The following SART1 variants were observed in gnomAD, a reference collection of about 807,000 sequenced individuals.
SART1 encodes spliceosome associated factor 1, recruiter of U4/U6.U5 tri-snRNP.
In SART1, 28 loss-of-function variants were observed where a neutral mutation model predicts 105.0. The ratio of observed to expected loss-of-function variants is 0.27; its 90% CI spans 0.20 to 0.37. The LOEUF is 0.37. Ranked by LOEUF, SART1 falls within the 10% of genes least tolerant of loss-of-function variation. The probability of loss-of-function intolerance (pLI) is 1.00; values close to 1 mark genes in which losing one functional copy is unlikely to be tolerated. For synonymous variants in SART1, 472 were observed against 462.9 expected, an observed-to-expected ratio of 1.02 and a Z score of -0.25; for missense variants, 894 against 1,106.5, an observed-to-expected ratio of 0.81 and a Z score of 2.72.
chr11:65,973,002 C>G (rs1483281338), intron 12 of SART1, among the ~76,000 whole-genome samples: 2 of 151,958 alleles, frequency 1.3e-5, no homozygotes, highest in East Asian at 3.9e-4. Context: ...AACCCTGTCT[C>G]TACTAAAAAA....
At chr11:65,964,007 TG>T in intron 1 of SART1, 66 bp from the exon 2 acceptor site, 1 of 1,455,010 alleles carries the variant, frequency 6.9e-7, no homozygotes, top group Non-Finnish European at 9.5e-7. Context: ...TTCCTGCAGC[TG>T]GAGCCAACGA....
intron 12 of SART1, among the ~76,000 whole-genome samples, chr11:65,970,456 A>C (rs1457922222): frequency 6.6e-6 from 1 of 152,168 alleles, no homozygotes; most frequent in African/African-American, 2.4e-5. Context: ...GAAGAAGAAA[A>C]AGATCTCGGC....
Position 65,978,387 on chromosome 11 carries a change from C to A in SART1, c.2173-213C>A. The A allele has an allele frequency of 3.4e-6, 2 of 587,148 alleles. No homozygotes were observed. The highest frequency in any genetic ancestry group is 2.0e-5 in the South Asian group (1 of 51,090). The allele number at this position is 587,148 out of a possible 1,614,324, so 36.4% of individuals were successfully genotyped here. A position where few individuals can be genotyped will look rare whatever the true frequency, so the allele number is the denominator to read the frequency against. ...GGTTCCCCATGCTCTGCCCCCATGG[C>A]AGCGCATCCACTAGCCAAGCTGGTC... On this transcript the variant is annotated intron_variant, in intron 17 of 19. Coordinates refer to ENST00000312397, the MANE Select transcript of SART1 (RefSeq NM_005146.5). The surrounding 1 kb of genome is among the most constrained non-coding windows in gnomAD (Gnocchi z 6.8).
chr11:65,976,679 C>T lies in SART1; in HGVS notation c.1770C>T (p.Arg590=), dbSNP rs201607938. 2.0e-4 allele frequency: 326 copies of T among 1,613,646 alleles called. No homozygotes were observed. Among genetic ancestry groups the T allele is most frequent in the Non-Finnish European group, 2.7e-4 (314 of 1,179,932 alleles). The change falls in exon 14 of 20, where the codon CGC becomes CGT. Residue 590 remains arginine, a synonymous_variant. Coordinates refer to ENST00000312397, the MANE Select transcript of SART1 (RefSeq NM_005146.5). This position sits in a 1 kb window ranked among gnomAD's most constrained non-coding sequence, Gnocchi z 5.1. ...ELMDFERDEE[R]SANGGSESDG... ...AGGACTTTGAACGGGATGAGGAGCG[C>T]TCAGCCAACGGTGGCTCCGAATCTG...
chr11:65,973,233 A>G lies in SART1; in HGVS notation c.1573-3162A>G, dbSNP rs377299485. Among the ~76,000 whole-genome samples, 176 of 152,300 alleles carry G rather than the reference A, an allele frequency of 1.2e-3. 1 individual carries two copies. Among genetic ancestry groups the G allele is most frequent in the Non-Finnish European group, 9.7e-4 (66 of 68,016 alleles). On this transcript the variant is annotated intron_variant, in intron 12 of 19. Coordinates refer to ENST00000312397, the MANE Select transcript of SART1 (RefSeq NM_005146.5). The stretch of plus-strand genomic sequence containing the variant: ...TTTTTGTTTTTTTACAAAACATACC[A>G]TGAAGAATATAAAAAGGCAGACCAA...
At position 65,979,271 on chromosome 11, in the gene SART1, C is replaced by CCT. The variant is rs1368066776; in HGVS notation, c.*244_*245dup. 1.7e-6 allele frequency: 1 copy of CCT among 604,490 alleles called. No homozygotes were observed. The highest frequency in any genetic ancestry group is 1.9e-5 in the African/African-American group (1 of 53,912). The allele number at this position is 604,490 out of a possible 1,614,324, so 37.4% of individuals were successfully genotyped here. ...CCTTCTCCCCTGGCTGTCGGTCACA[C>CCT]CTCTGCAGGGCCGGCTCTCTGATAG... is the stretch of plus-strand genomic sequence containing the variant. On this transcript the variant is annotated 3_prime_UTR_variant, in exon 20 of 20. Transcript: ENST00000312397.
At chr11:65,969,783 C>T (rs934570035) in intron 12 of SART1, among the ~76,000 whole-genome samples, 4 of 152,154 alleles carry the variant, frequency 2.6e-5, no homozygotes, top group Admixed American at 6.5e-5. Flanking sequence ...AGTGCAGTGG[C>T]GCGATCTCGG....
In SART1 at chr11:65,977,088, G is replaced by T; in HGVS notation, c.1932G>T (p.Leu644=). 2 of 1,613,540 alleles carry T rather than the reference G, an allele frequency of 1.2e-6. No individual in the cohort carries two copies. The highest frequency in any genetic ancestry group is 1.7e-6 in the Non-Finnish European group (2 of 1,179,686). The change falls in exon 15 of 20, where the codon CTG becomes CTT. Residue 644 remains leucine (L), a synonymous_variant. Transcript: ENST00000312397. The stretch of plus-strand genomic sequence containing the variant: ...GGGGGCTGGCAGCTGCCCTGCTCCT[G>T]TGTCAGAACAAAGGTAGGGAGCTCA... ...VNRGLAAALL[L]CQNKGLLETT...
At chr11:65,962,230 C>T (rs1228330012) in intron 1 of SART1, 137 bp downstream of exon 1, 6 of 662,486 alleles carry the variant, frequency 9.1e-6, no homozygotes, top group Non-Finnish European at 1.2e-5. Flanking sequence ...ATTAAATAGT[C>T]TTTCTACGGG....
rs1307998821 is a variant in SART1, at chr11:65,967,741, G to C, written c.1492G>C (p.Glu498Gln). 1 of 1,554,018 alleles carries C rather than the reference G, an allele frequency of 6.4e-7. No homozygotes were observed. Among genetic ancestry groups the C allele is most frequent in the Non-Finnish European group, 8.7e-7 (1 of 1,149,044 alleles). Residue 498 changes from glutamate to glutamine, a missense_variant, in exon 12 of 20, where the codon GAG (glutamate) becomes CAG (glutamine). Glu to Gln is a conservative substitution (Grantham distance 29). Around this residue, in one of 2 missense-constraint regions of SART1, gnomAD observed 712 missense variants for 778.2 expected, o/e 0.91. Transcript: ENST00000312397. The stretch of plus-strand genomic sequence containing the variant: ...GCTGGAGGAGGACGAGGCGGAGCTG[G>C]AGCTGCAGAAGCAGCTGGAGAAGGG... ...QVLEEDEAELELQKQLEKGRR... is the reference protein window; with the variant it reads ...QVLEEDEAELQLQKQLEKGRR...
At position 65,976,994 on chromosome 11, in the gene SART1, C is replaced by T. The variant is rs748499624; in HGVS notation, c.1858-20C>T. 2 of 1,604,658 alleles carry T rather than the reference C, an allele frequency of 1.2e-6. No homozygotes were observed. The highest frequency in any genetic ancestry group is 1.7e-5 in the Admixed American group (1 of 59,992). ...AGAGCCGGTATGGCCTGCTAACCAC[C>T]CCCGCCACGTGTCCCGTAGTTCTCT... On this transcript the variant is annotated intron_variant, in intron 14 of 19. Transcript: ENST00000312397. This position sits in a 1 kb window ranked among gnomAD's most constrained non-coding sequence, Gnocchi z 5.1.
rs769954106 is a variant in SART1, at chr11:65,967,522, G to C, written c.1365G>C (p.Glu455Asp). 6.2e-7 allele frequency: 1 copy of C among 1,613,076 alleles called. No individual in the cohort carries two copies. The highest frequency in any genetic ancestry group is 1.7e-5 in the Admixed American group (1 of 60,028). ...TGTCCGAAGTGGAGGAGGAGAAGGA[G>C]CCTGTGCCTCAGCCCCTGCCGTCGG... is the stretch of plus-strand genomic sequence containing the variant. ...RRVSEVEEEK[E>D]PVPQPLPSDD... Residue 455 changes from glutamate (E) to aspartate (D), a missense_variant, in exon 11 of 20, where the codon GAG becomes GAC. This residue lies in a region of SART1 where 712 missense variants were observed against 778.2 expected (regional missense o/e 0.91). Transcript: ENST00000312397.
In SART1 at chr11:65,961,837, G is replaced by C; in HGVS notation, c.57G>C (p.Ala19=). 1 of 1,568,542 alleles carries C rather than the reference G, an allele frequency of 6.4e-7. No homozygotes were observed. The highest frequency in any genetic ancestry group is 1.9e-5 in the Admixed American group (1 of 52,782). The part of the protein sequence containing the change: ...GEKEAAGTTA[A]AGTGGATEQP... ...AGGAGGCGGCCGGGACGACGGCGGC[G>C]GCCGGCACCGGGGGTGCCACCGAGC... The change falls in exon 1 of 20, where the codon GCG becomes GCC. Residue 19 remains alanine (A), a synonymous_variant. Transcript: ENST00000312397.
chr11:65,967,923 C>T, intron 12 of SART1, 102 bp downstream of exon 12: 2 of 979,912 alleles, frequency 2.0e-6, no homozygotes, highest in Admixed American at 3.7e-5. Flanking sequence ...AGCCTCTTTT[C>T]CATTTGTTTT....
intron 12 of SART1, among the ~76,000 whole-genome samples, chr11:65,972,249 A>G (rs949668516): frequency 6.6e-6 from 1 of 152,156 alleles, no homozygotes; most frequent in Non-Finnish European, 1.5e-5. Flanking sequence ...GGATTGCATA[A>G]GGATAGACTA....
At chr11:65,964,195 G>C (rs762449691) in intron 2 of SART1, 64 bp downstream of exon 2, 4 of 1,369,862 alleles carry the variant, frequency 2.9e-6, no homozygotes, top group South Asian at 2.3e-5. Flanking sequence ...GGGCCAGCAC[G>C]GGGGAGGCTT....
At chr11:65,967,157 G>A in intron 9 of SART1, 102 bp from the exon 10 acceptor site, 1 of 1,522,556 alleles carries the variant, frequency 6.6e-7, no homozygotes, top group Non-Finnish European at 8.9e-7. Context: ...TCAGGACGCT[G>A]GCTAGCACAG....
chr11:65,964,974 T>A (rs1855217429), intron 3 of SART1, 118 bp from the exon 4 acceptor site: 1 of 1,306,198 alleles, frequency 7.7e-7, no homozygotes. Context: ...GAAGGATTGT[T>A]CCTTCCTGTC....
chr11:65,965,988 T>TAATG lies in SART1; in HGVS notation c.838+3_838+6dup. On this transcript the variant is annotated splice_region_variant and intron_variant, in intron 7 of 19. Transcript: ENST00000312397. ...TGATTCTTACCCTCAAGGACAAAGGTAATGCGAGCTGGGTGCCCTGGGTGG... is the reference window on the plus strand; with the variant it reads ...TGATTCTTACCCTCAAGGACAAAGGTAATGAATGCGAGCTGGGTGCCCTGGGTGG... The TAATG allele has an allele frequency of 6.2e-7, 1 of 1,613,878 alleles. No individual in the cohort carries two copies. The highest frequency in any genetic ancestry group is 1.1e-5 in the South Asian group (1 of 91,058).
Sources: allele counts gnomAD v4.1 joint callset (sites outside exome capture counted in the v4.1 genomes callset), GRCh38; gene constraint gnomAD v4.1.1; regional missense constraint gnomAD v4.1.1; non-coding constraint Gnocchi (gnomAD v3.1); transcripts MANE v1.5; gene names NCBI Gene and HGNC (gene_info 2026-07-23, HGNC 2026-07-21).